Variants in HCRTR1 observed in about 807,000 individuals in gnomAD.
The protein encoded by HCRTR1 is hypocretin receptor 1.
Under a neutral mutation model 40.6 loss-of-function variants are expected in HCRTR1, and 28 were observed. That is an observed-to-expected ratio of 0.69 (90% CI 0.51 to 0.95). The LOEUF is 0.95. Among genes scored for constraint, HCRTR1 ranks in the 40% least tolerant of loss-of-function variants. The pLI, the probability that HCRTR1 is intolerant of heterozygous loss-of-function variation, is 0.00. For synonymous variants in HCRTR1, 209 were observed against 230.0 expected, an observed-to-expected ratio of 0.91 and a Z score of 0.83; for missense variants, 482 against 564.7, an observed-to-expected ratio of 0.85 and a Z score of 1.48.
chr1:31,620,488 G>A (rs10753257), intron 4 of HCRTR1, among the ~76,000 whole-genome samples: 76,282 of 152,088 alleles, frequency 0.5, 20,831 homozygotes, highest in Non-Finnish European at 0.61. Context: ...GGGCAAGAGC[G>A]CTTTGTGGGA....
downstream of HCRTR1, among the ~76,000 whole-genome samples, chr1:31,629,010 G>A (rs1462509748): frequency 2.6e-5 from 4 of 152,222 alleles, no homozygotes; most frequent in Admixed American, 2.6e-4. Flanking sequence ...AGATGTTTCT[G>A]CCAGTCATGG....
intron 7 of HCRTR1, 46 bp from the exon 8 acceptor site, chr1:31,624,951 C>G (rs1371002803): frequency 6.5e-7 from 1 of 1,543,254 alleles, no homozygotes; most frequent in Non-Finnish European, 8.8e-7. Flanking sequence ...CCAGTACATG[C>G]ATACGCAGCT....
chr1:31,619,551 GAACC>G lies in HCRTR1; in HGVS notation c.221_224del (p.Asn74ThrfsTer3). ...CTGCAGTCTGCCTGGCCGTGTGGCG[GAACC>G]ACCACATGAGGACAGTCACCAACTA... is the stretch of plus-strand genomic sequence containing the variant. On this transcript the variant is annotated frameshift_variant, in exon 4 of 9. Transcript: ENST00000403528. LOFTEE classifies it high-confidence loss of function. 6.2e-7 allele frequency: 1 copy of G among 1,614,036 alleles called. No homozygotes were observed. Among genetic ancestry groups the G allele is most frequent in the Non-Finnish European group, 8.5e-7 (1 of 1,179,990 alleles).
Position 31,625,145 on chromosome 1 carries a change from C to G in HCRTR1, c.1087+27C>G. The G allele has an allele frequency of 1.3e-6, 2 of 1,575,996 alleles. No individual in the cohort carries two copies. On this transcript the variant is annotated intron_variant, in intron 8 of 8. Coordinates refer to ENST00000403528, the MANE Select transcript of HCRTR1 (RefSeq NM_001525.3). This position sits in a 1 kb window ranked among gnomAD's most constrained non-coding sequence, Gnocchi z 4.2. ...TGAGCAGGCTGGGGATGCAAAATGACTGAGGGTGGCCAACAGTCCACATGA... is the reference window on the plus strand; with the variant it reads ...TGAGCAGGCTGGGGATGCAAAATGAGTGAGGGTGGCCAACAGTCCACATGA...
chr1:31,619,721 C>A lies in HCRTR1; in HGVS notation c.378+11C>A. On this transcript the variant is annotated intron_variant, in intron 4 of 8. Coordinates refer to ENST00000403528, the MANE Select transcript of HCRTR1 (RefSeq NM_001525.3). ...ATCCCCTATCTACAGGTGAGCTCTG[C>A]CCAGGCACCCCTCACCACTCCTTGT... is the stretch of plus-strand genomic sequence containing the variant. The A allele has an allele frequency of 6.3e-7, 1 of 1,578,578 alleles. No homozygotes were observed. The highest frequency in any genetic ancestry group is 8.6e-7 in the Non-Finnish European group (1 of 1,159,506).
chr1:31,626,136 GC>G lies in HCRTR1; in HGVS notation c.1088-652del, dbSNP rs11287805. ...ATGACACATGATCAAAGGGGCTTCAGCCTGACAAAATCTGTTTCCCTGGTAT... is the reference window on the plus strand; with the variant it reads ...ATGACACATGATCAAAGGGGCTTCAGCTGACAAAATCTGTTTCCCTGGTAT... On this transcript the variant is annotated intron_variant, in intron 8 of 8. Transcript: ENST00000403528. The surrounding 1 kb of genome is among the most constrained non-coding windows in gnomAD (Gnocchi z 4.6). Among the ~76,000 whole-genome samples the G allele has an allele frequency of 0.022, 3,398 of 152,282 alleles. 114 individuals are homozygous for G. The highest frequency in any genetic ancestry group is 0.077 in the African/African-American group (3,206 of 41,536).
intron 4 of HCRTR1, 113 bp downstream of exon 4, chr1:31,619,823 C>A: frequency 1.0e-6 from 1 of 962,192 alleles, no homozygotes; most frequent in Non-Finnish European, 1.5e-6. Flanking sequence ...GTCAGTGGCT[C>A]ATGACCCCTG....
Position 31,626,942 on chromosome 1 carries a change from C to T in HCRTR1, c.1240C>T (p.His414Tyr). The T allele has an allele frequency of 6.2e-7, 1 of 1,613,456 alleles. No individual in the cohort carries two copies. The highest frequency in any genetic ancestry group is 8.5e-7 in the Non-Finnish European group (1 of 1,179,988). ...ATGCTCCATCTCCAAAATCTCTGAG[C>T]ATGTGGTGCTCACCAGCGTCACCAC... Reference protein sequence around the residue: ...SRCSISKISEHVVLTSVTTVL... With the variant: ...SRCSISKISEYVVLTSVTTVL... The change falls in exon 9 of 9, where the codon CAT (histidine) becomes TAT (tyrosine). Residue 414 changes from histidine to tyrosine, a missense_variant. Transcript: ENST00000403528. This position sits in a 1 kb window ranked among gnomAD's most constrained non-coding sequence, Gnocchi z 4.6.
chr1:31,623,580 G>C lies in HCRTR1; in HGVS notation c.796G>C (p.Gly266Arg). 1 of 1,613,518 alleles carries C rather than the reference G, an allele frequency of 6.2e-7. No individual in the cohort carries two copies. The highest frequency in any genetic ancestry group is 8.5e-7 in the Non-Finnish European group (1 of 1,179,980). The change falls in exon 7 of 9, where the codon GGG becomes CGG. Residue 266 changes from glycine to arginine, a missense_variant. Coordinates refer to ENST00000403528, the MANE Select transcript of HCRTR1 (RefSeq NM_001525.3). ...RNWKRPSDQLGDLEQGLSGEP... is the reference protein window; with the variant it reads ...RNWKRPSDQLRDLEQGLSGEP... ...CTGGAAGCGCCCCTCAGACCAGCTG[G>C]GGGACCTGGAGCAGGGCCTGAGTGG...
chr1:31,619,277 G>A lies in HCRTR1; in HGVS notation c.85G>A (p.Asp29Asn), dbSNP rs867602036. The A allele has an allele frequency of 6.2e-7, 1 of 1,614,152 alleles. No homozygotes were observed. The change falls in exon 3 of 9, where the codon GAT becomes AAT. Residue 29 changes from aspartate (D) to asparagine (N), a missense_variant. Coordinates refer to ENST00000403528, the MANE Select transcript of HCRTR1 (RefSeq NM_001525.3). ...GTCCCCTGTGCCTCCAGACTATGAAGATGAGTTTCTCCGCTATCTGTGGCG... is the reference window on the plus strand; with the variant it reads ...GTCCCCTGTGCCTCCAGACTATGAAAATGAGTTTCTCCGCTATCTGTGGCG... ...EPSPVPPDYEDEFLRYLWRDY... is the reference protein window; with the variant it reads ...EPSPVPPDYENEFLRYLWRDY...
In HCRTR1 at chr1:31,623,596, G is replaced by A; in HGVS notation, c.812G>A (p.Gly271Asp). The A allele has an allele frequency of 6.2e-7, 1 of 1,613,606 alleles. No individual in the cohort carries two copies. ...PSDQLGDLEQ[G>D]LSGEPQPRAR... is the part of the protein sequence containing the mutation. ...GACCAGCTGGGGGACCTGGAGCAGGGCCTGAGTGGAGAGCCCCAGCCCCGG... is the reference window on the plus strand; with the variant it reads ...GACCAGCTGGGGGACCTGGAGCAGGACCTGAGTGGAGAGCCCCAGCCCCGG... The change falls in exon 7 of 9, where the codon GGC becomes GAC. Residue 271 changes from glycine (G) to aspartate (D), a missense_variant. Gly to Asp is a moderately conservative substitution (Grantham distance 94, BLOSUM62 -1). Transcript: ENST00000403528.
intron 7 of HCRTR1, among the ~76,000 whole-genome samples, chr1:31,624,795 G>A (rs1455399851): frequency 1.3e-5 from 2 of 152,180 alleles, no homozygotes; most frequent in Non-Finnish European, 2.9e-5. Context: ...GGCTAGAGAT[G>A]CCCATCACGG....
intron 4 of HCRTR1, 117 bp downstream of exon 4, chr1:31,619,827 A>G: frequency 1.1e-6 from 1 of 923,332 alleles, no homozygotes; most frequent in Non-Finnish European, 1.6e-6. Context: ...GTGGCTCATG[A>G]CCCCTGAAGT....
chr1:31,621,356 T>C lies in HCRTR1; in HGVS notation c.623-121T>C, dbSNP rs928572346. On this transcript the variant is annotated intron_variant, in intron 5 of 8. Coordinates refer to ENST00000403528, the MANE Select transcript of HCRTR1 (RefSeq NM_001525.3). The stretch of plus-strand genomic sequence containing the variant: ...GGGTCTCTGTCTGTCATGGTGGCTG[T>C]ATGGGGTCCAGCTGCTCCTAGGCCT... The C allele has an allele frequency of 2.2e-5, 19 of 856,920 alleles. No individual in the cohort carries two copies. The African/African-American group carries it at 3.0e-4, about 13-fold the overall frequency. 53.1% of individuals were successfully genotyped at this position (856,920 alleles called of 1,614,324 possible). A position where few individuals can be genotyped will look rare whatever the true frequency, so the allele number is the denominator to read the frequency against.
chr1:31,620,332 A>G (rs1639825018), intron 4 of HCRTR1, among the ~76,000 whole-genome samples: 1 of 152,208 alleles, frequency 6.6e-6, no homozygotes, highest in African/African-American at 2.4e-5. Flanking sequence ...TGGGGAAGGG[A>G]TGGCATTCCA....
At position 31,624,541 on chromosome 1, in the gene HCRTR1, G is replaced by A. The variant is rs549933698; in HGVS notation, c.966-456G>A. On this transcript the variant is annotated intron_variant, in intron 7 of 8. Transcript: ENST00000403528. ...GAGAGAGCTAACCATGCACGTGTCT[G>A]TAGGGACAGCCAAAGAGGGTCGCAG... Among the ~76,000 whole-genome samples, 3 of 151,778 alleles carry A rather than the reference G, an allele frequency of 2.0e-5. No individual in the cohort carries two copies. The East Asian group carries it at 5.8e-4, about 29-fold the overall frequency.
chr1:31,625,261 A>T lies in HCRTR1; in HGVS notation c.1087+143A>T. 1 of 1,063,616 alleles carries T rather than the reference A, an allele frequency of 9.4e-7. No individual in the cohort carries two copies. Among genetic ancestry groups the T allele is most frequent in the Non-Finnish European group, 1.3e-6 (1 of 773,748 alleles). The allele number at this position is 1,063,616 out of a possible 1,614,324, so 65.9% of individuals were successfully genotyped here. ...GGCACAGTGATCCTGCTCTGGGAGG[A>T]CCCACCCCAAGCGGCCCTGGCCTGA... is the stretch of plus-strand genomic sequence containing the variant. On this transcript the variant is annotated intron_variant, in intron 8 of 8. Transcript: ENST00000403528. This position sits in a 1 kb window ranked among gnomAD's most constrained non-coding sequence, Gnocchi z 4.2.
downstream of HCRTR1, among the ~76,000 whole-genome samples, chr1:31,631,263 G>C (rs1640095146): frequency 6.6e-6 from 1 of 152,206 alleles, no homozygotes; most frequent in Non-Finnish European, 1.5e-5. Context: ...TGGGCAAGTT[G>C]CTTAGCCTCA....
chr1:31,621,073 T>C lies in HCRTR1; in HGVS notation c.609T>C (p.Asp203=), dbSNP rs1454945049. 6.2e-7 allele frequency: 1 copy of C among 1,606,804 alleles called. No individual in the cohort carries two copies. The highest frequency in any genetic ancestry group is 2.2e-5 in the East Asian group (1 of 44,852). ...GCACACGGCTCTTCTCAGTCTGTGA[T>C]GAACGCTGGGCAGGTAATGGTGGAA... ...ANRTRLFSVC[D]ERWADDLYPK... The change falls in exon 5 of 9, where the codon GAT becomes GAC. Residue 203 remains aspartate (D), a synonymous_variant. Coordinates refer to ENST00000403528, the MANE Select transcript of HCRTR1 (RefSeq NM_001525.3).
Sources: gnomAD v4.1 joint callset for allele counts (sites outside exome capture counted in the v4.1 genomes callset) on GRCh38, gnomAD v4.1.1 for gene constraint, Gnocchi (gnomAD v3.1) non-coding constraint, MANE v1.5 for transcripts, NCBI Gene and HGNC (gene_info 2026-07-23, HGNC 2026-07-21) for gene names.